Variants in RCAN2 observed in about 807,000 individuals in gnomAD.
The protein encoded by RCAN2 is calcipressin-2.
In RCAN2, 9 loss-of-function variants were observed where a neutral mutation model predicts 23.6. That is an observed-to-expected ratio of 0.38 (90% CI 0.23 to 0.67). The LOEUF is 0.67. Among genes scored for constraint, RCAN2 ranks in the 30% least tolerant of loss-of-function variants. The pLI is 0.51. For synonymous variants in RCAN2, 109 were observed against 115.7 expected, an observed-to-expected ratio of 0.94 and a Z score of 0.37; for missense variants, 273 against 302.3, an observed-to-expected ratio of 0.90 and a Z score of 0.72.
At chr6:46,319,804 C>T (rs2150361353) in intron 2 of RCAN2, among the ~76,000 whole-genome samples, 1 of 152,238 alleles carries the variant, frequency 6.6e-6, no homozygotes, top group Non-Finnish European at 1.5e-5. Context: ...CAATTCTAGT[C>T]CATGTTATTA....
chr6:46,486,615 C>A (rs1011940346), intron 1 of RCAN2, among the ~76,000 whole-genome samples: 1 of 152,178 alleles, frequency 6.6e-6, no homozygotes, highest in Non-Finnish European at 1.5e-5. Context: ...GTGATAAAAT[C>A]TAGGACCGTG....
At chr6:46,441,074 G>A (rs1176371579) in intron 2 of RCAN2, among the ~76,000 whole-genome samples, 1 of 152,060 alleles carries the variant, frequency 6.6e-6, no homozygotes, top group African/African-American at 2.4e-5. Flanking sequence ...TTCCTTCCTT[G>A]AACCAGAGAT....
Position 46,285,179 on chromosome 6 carries a change from C to T in RCAN2, c.226-36283G>A, listed in dbSNP as rs564578198. On this transcript the variant is annotated intron_variant, in intron 2 of 4. Coordinates refer to ENST00000371374, the MANE Select transcript of RCAN2 (RefSeq NM_001251974.2). ...GAATCTCTAGTTATGTGTGTGTATG[C>T]GTAAAATTATGCAACATGTAATGTT... Among the ~76,000 whole-genome samples, 6 of 152,232 alleles carry T rather than the reference C, an allele frequency of 3.9e-5. No homozygotes were observed. The South Asian group carries it at 8.3e-4, about 21-fold the overall frequency.
At chr6:46,461,906 C>G (rs1476808920) in intron 1 of RCAN2, among the ~76,000 whole-genome samples, 1 of 152,110 alleles carries the variant, frequency 6.6e-6, no homozygotes, top group African/African-American at 2.4e-5. Flanking sequence ...TTCTTGACTG[C>G]AGAATGGAGA....
intron 2 of RCAN2, among the ~76,000 whole-genome samples, chr6:46,295,969 T>C (rs1762712403): frequency 6.6e-6 from 1 of 151,982 alleles, no homozygotes; most frequent in Non-Finnish European, 1.5e-5. Flanking sequence ...TTTTTTTTTT[T>C]TTTAACAGCA....
chr6:46,391,253 G>A (rs1350283642), intron 2 of RCAN2, among the ~76,000 whole-genome samples: 1 of 152,110 alleles, frequency 6.6e-6, no homozygotes, highest in Admixed American at 6.5e-5. Flanking sequence ...TCTTTTGTAG[G>A]GACATGGATG....
chr6:46,337,079 T>A (rs1561864625), intron 2 of RCAN2, among the ~76,000 whole-genome samples: 1 of 151,774 alleles, frequency 6.6e-6, no homozygotes, highest in Non-Finnish European at 1.5e-5. Flanking sequence ...ATTTGTGACA[T>A]ACATACATGA....
At chr6:46,380,305 T>C (rs1765585484) in intron 2 of RCAN2, among the ~76,000 whole-genome samples, 1 of 152,182 alleles carries the variant, frequency 6.6e-6, no homozygotes, top group African/African-American at 2.4e-5. Context: ...CTCACCTCAG[T>C]TCAGGTCAGG....
chr6:46,313,001 C>T (rs951697779), intron 2 of RCAN2, among the ~76,000 whole-genome samples: 1 of 152,204 alleles, frequency 6.6e-6, no homozygotes, highest in Admixed American at 6.5e-5. Flanking sequence ...GACCCAAACT[C>T]CTTCATAATG....
At chr6:46,371,416 C>T (rs1425897402) in intron 2 of RCAN2, among the ~76,000 whole-genome samples, 1 of 152,202 alleles carries the variant, frequency 6.6e-6, no homozygotes, top group Non-Finnish European at 1.5e-5. Context: ...AGGCTTCCGC[C>T]ATCATATCTC....
intron 1 of RCAN2, among the ~76,000 whole-genome samples, chr6:46,479,666 T>A (rs1359452354): frequency 4.1e-5 from 6 of 145,338 alleles, no homozygotes; most frequent in Non-Finnish European, 8.9e-5. Context: ...CACTGCAGCC[T>A]CTGCCTCCCG....
chr6:46,285,400 T>A (rs1762339374), intron 2 of RCAN2, among the ~76,000 whole-genome samples: 1 of 152,230 alleles, frequency 6.6e-6, no homozygotes, highest in African/African-American at 2.4e-5. Context: ...GCTCTGGGCC[T>A]GGCACAGTTC....
intron 2 of RCAN2, among the ~76,000 whole-genome samples, chr6:46,322,075 C>G (rs1423642698): frequency 6.6e-6 from 1 of 152,126 alleles, no homozygotes; most frequent in Admixed American, 6.5e-5. Context: ...CAGGGGACAC[C>G]GATGTGCAAT....
intron 2 of RCAN2, among the ~76,000 whole-genome samples, chr6:46,361,057 GT>G (rs67122407): frequency 0.44 from 67,342 of 151,724 alleles, 16,447 homozygotes; most frequent in East Asian, 0.6. Flanking sequence ...TCACAAAGTG[GT>G]TTAAGGCTAG....
chr6:46,297,763 C>CAGAG (rs1762768575), intron 2 of RCAN2, among the ~76,000 whole-genome samples: 1 of 152,054 alleles, frequency 6.6e-6, no homozygotes, highest in South Asian at 2.1e-4. Flanking sequence ...TTTCCTAAGA[C>CAGAG]AGAGAATTGT....
At chr6:46,277,627 A>AT (rs1453994264) in intron 2 of RCAN2, among the ~76,000 whole-genome samples, 15 of 151,782 alleles carry the variant, frequency 9.9e-5, no homozygotes, top group African/African-American at 3.6e-4. Flanking sequence ...AATTTTACTT[A>AT]ATTTTTTTTG....
intron 1 of RCAN2, among the ~76,000 whole-genome samples, chr6:46,465,225 G>T (rs544823043): frequency 6.6e-6 from 1 of 152,174 alleles, no homozygotes; most frequent in East Asian, 1.9e-4. Context: ...TGACAAAGTT[G>T]TTCTTAAAGA....
At chr6:46,235,076 C>T (rs1244257018) in intron 4 of RCAN2, among the ~76,000 whole-genome samples, 2 of 152,228 alleles carry the variant, frequency 1.3e-5, no homozygotes, top group Non-Finnish European at 2.9e-5. Context: ...CGGGCCATGA[C>T]TTGGCCACCT....
intron 1 of RCAN2, among the ~76,000 whole-genome samples, chr6:46,489,441 T>C (rs1769079144): frequency 6.6e-6 from 1 of 152,214 alleles, no homozygotes; most frequent in Non-Finnish European, 1.5e-5. Flanking sequence ...AATTATTGAA[T>C]TGATCGAGTG....
Sources: allele counts gnomAD v4.1 joint callset (sites outside exome capture counted in the v4.1 genomes callset), GRCh38; gene constraint gnomAD v4.1.1; transcripts MANE v1.5; gene names NCBI Gene and HGNC (gene_info 2026-07-23, HGNC 2026-07-21).